The following RAD21 variants were observed in gnomAD, a reference collection of about 807,000 sequenced individuals.
RAD21 encodes the protein double-strand-break repair protein rad21 homolog.
RAD21 carries 18 observed loss-of-function variants against 71.5 expected under a neutral mutation model. The observed-to-expected ratio is 0.25, with a 90% confidence interval of 0.17 to 0.37. The LOEUF (loss-of-function observed/expected upper bound fraction) is 0.37, where lower values mean the gene tolerates loss of function less well. RAD21 is among the 10% of genes least tolerant of loss of function. RAD21 has a pLI of 1.00. For synonymous variants in RAD21, 248 were observed against 254.0 expected, an observed-to-expected ratio of 0.98 and a Z score of 0.22; for missense variants, 493 against 769.1, an observed-to-expected ratio of 0.64 and a Z score of 4.25.
In RAD21 at chr8:116,866,577, C is replaced by CA. The variant is rs764789815; in HGVS notation, c.144+8dup. Reference sequence around the variant, plus strand: ...ACAAAGTGAATAAAAATGTCAACATCAAACATACCTTTGGTGAGATGATAC... The same window carrying CA: ...ACAAAGTGAATAAAAATGTCAACATCAAAACATACCTTTGGTGAGATGATAC... On this transcript the variant is annotated intron_variant, in intron 2 of 13. Transcript: ENST00000297338. The CA allele has an allele frequency of 8.8e-6, 14 of 1,590,792 alleles. No homozygotes were observed. In the South Asian group the frequency reaches 1.6e-4, roughly 18 times the overall value.
chr8:116,846,900 T>C lies in RAD21; in HGVS notation c.*600A>G, dbSNP rs1812262127. The C allele has an allele frequency of 9.3e-6, 2 of 215,084 alleles. No homozygotes were observed. Among genetic ancestry groups the C allele is most frequent in the African/African-American group, 2.3e-5 (1 of 44,330 alleles). The allele number at this position is 215,084 out of a possible 1,614,324, so 13.3% of individuals were successfully genotyped here. A position where few individuals can be genotyped will look rare whatever the true frequency, so the allele number is the denominator to read the frequency against. Reference sequence around the variant, plus strand: ...TTTAAACCAGGTCAGTCCTATCTTTTTGTAGCTGAAGGCTATCAGTCATAA... The same window carrying C: ...TTTAAACCAGGTCAGTCCTATCTTTCTGTAGCTGAAGGCTATCAGTCATAA... On this transcript the variant is annotated 3_prime_UTR_variant, in exon 14 of 14. Transcript: ENST00000297338.
At position 116,859,617 on chromosome 8, in the gene RAD21, T is replaced by C. The variant is rs1025176895; in HGVS notation, c.375-1159A>G. ...GCCCAAATAATATGGGCAAACTTAATCAAGAAATGTTCTGTGTGTTCTGAC... is the reference window on the plus strand; with the variant it reads ...GCCCAAATAATATGGGCAAACTTAACCAAGAAATGTTCTGTGTGTTCTGAC... On this transcript the variant is annotated intron_variant, in intron 4 of 13. Transcript: ENST00000297338. Among the ~76,000 whole-genome samples the C allele has an allele frequency of 3.9e-5, 6 of 152,254 alleles. 1 individual carries two copies. In the East Asian group the frequency reaches 5.8e-4, roughly 15 times the overall value.
chr8:116,874,754 C>G lies in RAD21; in HGVS notation c.-176G>C, dbSNP rs930255147. 3 of 455,790 alleles carry G rather than the reference C, an allele frequency of 6.6e-6. No individual in the cohort carries two copies. The highest frequency in any genetic ancestry group is 2.4e-5 in the Admixed American group (1 of 42,438). The allele number at this position is 455,790 out of a possible 1,614,324, so 28.2% of individuals were successfully genotyped here. On this transcript the variant is annotated 5_prime_UTR_variant, in exon 1 of 14. Transcript: ENST00000297338. ...GCCGCCACAGCCGGCGCCTCCTTTC[C>G]GATTCACTCAAACAAACAAGATGGC...
chr8:116,852,595 A>G lies in RAD21; in HGVS notation c.1275T>C (p.Val425=), dbSNP rs1812374575. 2 of 1,613,454 alleles carry G rather than the reference A, an allele frequency of 1.2e-6. No individual in the cohort carries two copies. The highest frequency in any genetic ancestry group is 1.7e-5 in the Admixed American group (1 of 59,944). ...EFLKEFENPE[V]PREDQQQQHQ... is the part of the protein sequence containing the mutation. ...GCTGCTGTTGCTGGTCCTCTCTAGG[A>G]ACCTCTGGATTTTCAAATTCTTTGA... The change falls in exon 10 of 14, where the codon GTT becomes GTC. Residue 425 remains valine (V), a synonymous_variant. Transcript: ENST00000297338.
intron 8 of RAD21, 126 bp downstream of exon 8, chr8:116,856,040 A>G: frequency 8.5e-7 from 1 of 1,179,194 alleles, no homozygotes; most frequent in Non-Finnish European, 1.2e-6. Flanking sequence ...TAGACAGGCC[A>G]AAAAAACAGA....
intron 5 of RAD21, among the ~76,000 whole-genome samples, chr8:116,857,792 C>T (rs1167180848): frequency 1.6e-5 from 2 of 122,832 alleles, no homozygotes; most frequent in East Asian, 2.2e-4. Context: ...CTGAAACTTT[C>T]CCGTTATAAT....
chr8:116,852,440 T>C, intron 10 of RAD21, 109 bp downstream of exon 10: 1 of 1,206,802 alleles, frequency 8.3e-7, no homozygotes, highest in Non-Finnish European at 1.2e-6. Flanking sequence ...GCCCAAACAT[T>C]TGAGTATATC....
In RAD21 at chr8:116,852,699, G is replaced by T. The variant is rs1259968025; in HGVS notation, c.1171C>A (p.Arg391Ser). Residue 391 changes from arginine to serine, a missense_variant, in exon 10 of 14, where the codon CGC becomes AGC. Arg to Ser is a moderately radical substitution (Grantham distance 110, BLOSUM62 -1). Coordinates refer to ENST00000297338, the MANE Select transcript of RAD21 (RefSeq NM_006265.3). ...WNNRLLKLFTRCLTPLVPEDL... is the reference protein window; with the variant it reads ...WNNRLLKLFTSCLTPLVPEDL... ...TCTGGTACAAGCGGTGTAAGACAGC[G>T]TGTAAAGAGCTATTAAAAAAAAAAA... 6.6e-7 allele frequency: 1 copy of T among 1,509,286 alleles called. No homozygotes were observed. Among genetic ancestry groups the T allele is most frequent in the African/African-American group, 1.4e-5 (1 of 69,156 alleles). The allele number at this position is 1,509,286 out of a possible 1,614,324, so 93.5% of individuals were successfully genotyped here. A position where few individuals can be genotyped will look rare whatever the true frequency, so the allele number is the denominator to read the frequency against.
rs752075593 is a variant in RAD21 at position 116,852,113 on chromosome 8, G to A, written c.1322-17C>T. 1.4e-5 allele frequency: 23 copies of A among 1,589,346 alleles called. No individual in the cohort carries two copies. The highest frequency in any genetic ancestry group is 4.5e-5 in the East Asian group (2 of 44,312). ...TGGGCTCATCTGCAATTGGTCATAT[G>A]AAGAGAAAACATAGGTCATACAGTT... On this transcript the variant is annotated splice_polypyrimidine_tract_variant and intron_variant, in intron 10 of 13. Coordinates refer to ENST00000297338, the MANE Select transcript of RAD21 (RefSeq NM_006265.3).
rs532386192 is a variant in RAD21, at chr8:116,852,322, G to A, written c.1322-226C>T. The stretch of plus-strand genomic sequence containing the variant: ...AAGTCCTACCCTCAGTACAATGTAG[G>A]ACAATTCTTTAGCAGACTATCTACC... On this transcript the variant is annotated intron_variant, in intron 10 of 13. Coordinates refer to ENST00000297338, the MANE Select transcript of RAD21 (RefSeq NM_006265.3). The A allele has an allele frequency of 1.7e-5, 11 of 637,934 alleles. No homozygotes were observed. The East Asian group carries it at 2.5e-4, about 15-fold the overall frequency. The allele number at this position is 637,934 out of a possible 1,614,324, so 39.5% of individuals were successfully genotyped here. A position where few individuals can be genotyped will look rare whatever the true frequency, so the allele number is the denominator to read the frequency against.
chr8:116,852,621 G>A lies in RAD21; in HGVS notation c.1249C>T (p.Leu417Phe), dbSNP rs1236205322. ...GGEADNLDEF[L>F]KEFENPEVPR... is the part of the protein sequence containing the mutation. ...ACCTCTGGATTTTCAAATTCTTTGA[G>A]GAATTCATCCAAATTATCTGCCTCT... The change falls in exon 10 of 14, where the codon CTC (leucine) becomes TTC (phenylalanine). Residue 417 changes from leucine (L) to phenylalanine (F), a missense_variant. This residue lies in a region of RAD21 where 225 missense variants were observed against 218.3 expected (regional missense o/e 1.03). Coordinates refer to ENST00000297338, the MANE Select transcript of RAD21 (RefSeq NM_006265.3). 2 of 1,613,128 alleles carry A rather than the reference G, an allele frequency of 1.2e-6. No individual in the cohort carries two copies. Among genetic ancestry groups the A allele is most frequent in the Non-Finnish European group, 1.7e-6 (2 of 1,179,626 alleles).
At chr8:116,858,952 A>ACAG (rs201768690) in intron 4 of RAD21, among the ~76,000 whole-genome samples, 1,815 of 152,254 alleles carry the variant, frequency 0.012, 45 homozygotes, top group African/African-American at 0.041. Flanking sequence ...AATACCTCAA[A>ACAG]ACAACTGACC....
rs1281914027 is a variant in RAD21 at position 116,854,458 on chromosome 8, T to C, written c.948A>G (p.Thr316=). 6.2e-7 allele frequency: 1 copy of C among 1,612,832 alleles called. No individual in the cohort carries two copies. The highest frequency in any genetic ancestry group is 1.3e-5 in the African/African-American group (1 of 74,824). Residue 316 remains threonine (T), a synonymous_variant, in exon 9 of 14, where the codon ACA becomes ACG. Transcript: ENST00000297338. ...LEPIDITVKE[T]KAKRKRKLIV... Reference sequence around the variant, plus strand: ...TTAGCTTCCTCTTCCTCTTGGCTTTTGTTTCTTTAACTGGAATGATAATAA... The same window carrying C: ...TTAGCTTCCTCTTCCTCTTGGCTTTCGTTTCTTTAACTGGAATGATAATAA...
chr8:116,849,851 G>GA (rs1401677356), intron 12 of RAD21, among the ~76,000 whole-genome samples: 1 of 152,142 alleles, frequency 6.6e-6, no homozygotes, highest in East Asian at 1.9e-4. Flanking sequence ...ATTAAGAACA[G>GA]ATGCTACTGA....
intron 4 of RAD21, among the ~76,000 whole-genome samples, chr8:116,859,460 CA>C (rs1563691386): frequency 1.3e-5 from 2 of 152,078 alleles, no homozygotes; most frequent in African/African-American, 4.8e-5. Context: ...AGGCTAGTCT[CA>C]AACCCCTGGC....
Position 116,857,362 on chromosome 8 carries a change from C to T in RAD21, c.593G>A (p.Ser198Asn), listed in dbSNP as rs905200346. ...AATTTTCTCATTCAGATTGCTGGTGCTCTGTTCAGACTCTAATAGGAGGTT... is the reference window on the plus strand; with the variant it reads ...AATTTTCTCATTCAGATTGCTGGTGTTCTGTTCAGACTCTAATAGGAGGTT... ...TSNLLLESEQ[S>N]TSNLNEKINH... Residue 198 changes from serine (S) to asparagine (N), a missense_variant, in exon 6 of 14, where the codon AGC (serine) becomes AAC (asparagine). Physicochemically the swap from Ser to Asn is conservative, Grantham distance 46. Around this residue, in one of 5 missense-constraint regions of RAD21, gnomAD observed 165 missense variants for 229.6 expected, o/e 0.72. Coordinates refer to ENST00000297338, the MANE Select transcript of RAD21 (RefSeq NM_006265.3). 6 of 1,612,756 alleles carry T rather than the reference C, an allele frequency of 3.7e-6. No homozygotes were observed. The highest frequency in any genetic ancestry group is 2.7e-5 in the African/African-American group (2 of 74,868).
At position 116,874,646 on chromosome 8, in the gene RAD21, C is replaced by T. The variant is rs1417355727; in HGVS notation, c.-68G>A. ...GCTGGGAGTTGGGCGGGCTGGGTGG[C>T]CCGGGGAGGGGAAAAGGGTCGGGGG... On this transcript the variant is annotated 5_prime_UTR_variant, in exon 1 of 14. Transcript: ENST00000297338. The T allele has an allele frequency of 8.9e-6, 3 of 336,604 alleles. No homozygotes were observed. Among genetic ancestry groups the T allele is most frequent in the Non-Finnish European group, 1.7e-5 (3 of 176,886 alleles). The allele number at this position is 336,604 out of a possible 1,614,324, so 20.9% of individuals were successfully genotyped here. A position where few individuals can be genotyped will look rare whatever the true frequency, so the allele number is the denominator to read the frequency against.
At chr8:116,870,590 C>T (rs1180909315) in intron 1 of RAD21, among the ~76,000 whole-genome samples, 1 of 152,182 alleles carries the variant, frequency 6.6e-6, no homozygotes, top group Non-Finnish European at 1.5e-5. Context: ...ACTTAAGCTG[C>T]TCCTACTATG....
intron 12 of RAD21, 39 bp downstream of exon 12, chr8:116,850,579 T>G: frequency 6.3e-7 from 1 of 1,594,180 alleles, no homozygotes. Context: ...GGTTGGAGGT[T>G]TTTGCTAAAT....
Sources: allele counts gnomAD v4.1 joint callset (sites outside exome capture counted in the v4.1 genomes callset), GRCh38; gene constraint gnomAD v4.1.1; regional missense constraint gnomAD v4.1.1; transcripts MANE v1.5; gene names NCBI Gene and HGNC (gene_info 2026-07-23, HGNC 2026-07-21).